The following EYS variants were observed in gnomAD, a reference collection of about 807,000 sequenced individuals.
The protein encoded by EYS is EGF-like photoreceptor maintenance factor.
A neutral mutation model predicts 282.1 loss-of-function variants in EYS; 250 were observed. The observed-to-expected ratio is 0.89, with a 90% CI of 0.80 to 0.98. The LOEUF (loss-of-function observed/expected upper bound fraction) is 0.98, where lower values mean the gene tolerates loss of function less well. Ranked by LOEUF, EYS falls within the 50% of genes least tolerant of loss-of-function variation. EYS has a pLI of 0.00. For missense variants in EYS, 4,016 were observed against 3,709.0 expected, an observed-to-expected ratio of 1.08 and a Z score of -2.15; for synonymous variants, 1,355 against 1,282.9, an observed-to-expected ratio of 1.06 and a Z score of -1.20.
At chr6:65,557,448 T>C (rs904906626) in intron 2 of EYS, among the ~76,000 whole-genome samples, 2 of 152,176 alleles carry the variant, frequency 1.3e-5, no homozygotes, top group Admixed American at 6.5e-5. Flanking sequence ...ACATACAACA[T>C]GCCACAAGCA....
chr6:64,123,308 A>G (rs1174760990), intron 31 of EYS, among the ~76,000 whole-genome samples: 1 of 152,228 alleles, frequency 6.6e-6, no homozygotes, highest in East Asian at 1.9e-4. Context: ...TATTAAAAAT[A>G]CTATGTTATC....
intron 22 of EYS, among the ~76,000 whole-genome samples, chr6:64,676,550 T>C (rs575355177): frequency 1.9e-4 from 29 of 152,270 alleles, no homozygotes; most frequent in Admixed American, 5.9e-4. Flanking sequence ...TACATACCAG[T>C]AAACCTACAA....
chr6:65,093,462 G>A (rs1487113636), intron 12 of EYS, among the ~76,000 whole-genome samples: 4 of 151,882 alleles, frequency 2.6e-5, no homozygotes, highest in African/African-American at 7.2e-5. Flanking sequence ...ATATGTTAAT[G>A]TATACACAAT....
intron 2 of EYS, among the ~76,000 whole-genome samples, chr6:65,614,847 C>T (rs1385284088): frequency 2.0e-5 from 3 of 148,948 alleles, no homozygotes; most frequent in Admixed American, 6.9e-5. Context: ...ACAATCTATG[C>T]ATATTCTGTA....
At chr6:64,019,551 C>T (rs1769075098) in intron 33 of EYS, among the ~76,000 whole-genome samples, 2 of 151,906 alleles carry the variant, frequency 1.3e-5, no homozygotes, top group Non-Finnish European at 2.9e-5. Context: ...GCTGGGACTA[C>T]AGGCACAGGC....
intron 12 of EYS, among the ~76,000 whole-genome samples, chr6:65,189,530 A>G (rs1241683312): frequency 1.3e-5 from 2 of 151,842 alleles, no homozygotes; most frequent in African/African-American, 2.4e-5. Flanking sequence ...TAAAGCACAG[A>G]AGACAATAAA....
At chr6:64,249,524 A>T (rs1392237729) in intron 30 of EYS, among the ~76,000 whole-genome samples, 1 of 152,230 alleles carries the variant, frequency 6.6e-6, no homozygotes, top group African/African-American at 2.4e-5. Context: ...TACTCCATAC[A>T]TTTATAATAA....
intron 14 of EYS, among the ~76,000 whole-genome samples, chr6:64,991,494 T>C (rs1771061062): frequency 6.6e-6 from 1 of 151,532 alleles, no homozygotes; most frequent in African/African-American, 2.4e-5. Context: ...AATCAATCAG[T>C]CATTGATTAT....
intron 12 of EYS, among the ~76,000 whole-genome samples, chr6:65,063,335 A>G (rs906263060): frequency 2.0e-5 from 3 of 151,994 alleles, no homozygotes; most frequent in African/African-American, 7.2e-5. Flanking sequence ...TGTGGAATGT[A>G]TTATAAACTA....
intron 2 of EYS, among the ~76,000 whole-genome samples, chr6:65,554,273 A>G (rs551234824): frequency 1.3e-5 from 2 of 152,284 alleles, no homozygotes; most frequent in South Asian, 4.1e-4. Context: ...GGGTTTTTCA[A>G]AGATTTAGTA....
intron 12 of EYS, among the ~76,000 whole-genome samples, chr6:65,264,035 A>G (rs560945870): frequency 6.6e-6 from 1 of 152,230 alleles, no homozygotes; most frequent in Admixed American, 6.6e-5. Flanking sequence ...GGAGTTAGGC[A>G]AATTAGACAT....
At chr6:64,173,860 A>G (rs1032916003) in intron 31 of EYS, among the ~76,000 whole-genome samples, 2 of 152,202 alleles carry the variant, frequency 1.3e-5, no homozygotes, top group South Asian at 4.1e-4. Flanking sequence ...ATCTGGAAGA[A>G]GTATCTGCAC....
At chr6:63,777,749 A>G in intron 40 of EYS, 1 of 368,700 alleles carries the variant, frequency 2.7e-6, no homozygotes, top group South Asian at 4.0e-5. Context: ...TTTAAGTGAT[A>G]TTTTTCATGG....
In EYS at chr6:63,827,736, T is replaced by G. The variant is rs367697388; in HGVS notation, c.7229-21364A>C. Among the ~76,000 whole-genome samples, 1,264 of 150,482 alleles carry G rather than the reference T, an allele frequency of 8.4e-3. 7 individuals are homozygous for G. The highest frequency in any genetic ancestry group is 0.017 in the Admixed American group (262 of 15,050). ...GCGGGCGCCTGTAGTCCCAGCTACT[T>G]GGGAGGCTGAGGCAGGAGAATGGCG... On this transcript the variant is annotated intron_variant, in intron 36 of 42. Coordinates refer to ENST00000503581, the MANE Select transcript of EYS (RefSeq NM_001142800.2).
At chr6:64,593,349 T>C in intron 24 of EYS, 40 bp from the exon 25 acceptor site, 1 of 1,474,550 alleles carries the variant, frequency 6.8e-7, no homozygotes, top group Middle Eastern at 1.7e-4. Context: ...AAGCTCAGTT[T>C]CTTTGTTCCT....
chr6:63,741,317 G>A (rs757455152), intron 41 of EYS, among the ~76,000 whole-genome samples: 20 of 151,892 alleles, frequency 1.3e-4, no homozygotes, highest in Non-Finnish European at 2.8e-4. Flanking sequence ...ATACCATCTA[G>A]TAAAAAAGAA....
chr6:64,796,924 T>A (rs1774372285), intron 22 of EYS, among the ~76,000 whole-genome samples: 1 of 152,060 alleles, frequency 6.6e-6, no homozygotes, highest in Non-Finnish European at 1.5e-5. Context: ...AATTAAGCAA[T>A]GTAGAATATT....
chr6:64,662,898 AT>A (rs11302171), intron 22 of EYS, among the ~76,000 whole-genome samples: 97,198 of 151,886 alleles, frequency 0.64, 31,329 homozygotes, highest in African/African-American at 0.71. Flanking sequence ...CCTCCACCCC[AT>A]TTTTGAGAAT....
At chr6:63,954,164 T>A (rs1332623386) in intron 35 of EYS, among the ~76,000 whole-genome samples, 1 of 152,194 alleles carries the variant, frequency 6.6e-6, no homozygotes, top group African/African-American at 2.4e-5. Flanking sequence ...ATATCTCTGA[T>A]CCACCTGACA....
Sources: gnomAD v4.1 joint callset for allele counts (sites outside exome capture counted in the v4.1 genomes callset) on GRCh38, gnomAD v4.1.1 for gene constraint, MANE v1.5 for transcripts, NCBI Gene and HGNC (gene_info 2026-07-23, HGNC 2026-07-21) for gene names.